Variants in PTDSS2 observed in about 807,000 individuals in gnomAD.
PTDSS2 encodes the protein phosphatidylserine synthase 2.
In PTDSS2, 41 loss-of-function variants were observed where a neutral mutation model predicts 64.7. That is an observed-to-expected ratio of 0.63 (90% CI 0.49 to 0.82). PTDSS2 has a LOEUF of 0.82. Ranked by LOEUF, PTDSS2 falls within the 40% of genes least tolerant of loss-of-function variation. The pLI is 0.00. For synonymous variants in PTDSS2, 297 were observed against 277.8 expected, an observed-to-expected ratio of 1.07 and a Z score of -0.69; for missense variants, 485 against 650.0, an observed-to-expected ratio of 0.75 and a Z score of 2.76.
chr11:457,669 T>TCCTCCACTGA (rs1300716344), intron 1 of PTDSS2, among the ~76,000 whole-genome samples: 1 of 152,252 alleles, frequency 6.6e-6, no homozygotes, highest in Admixed American at 6.5e-5. Flanking sequence ...GTTTCCCGTT[T>TCCTCCACTGA]TAGGTTATTA....
rs1554958761 is a variant in PTDSS2 at position 490,811 on chromosome 11, C to CGCGTGTACGT, written c.*235_*236insACGTGCGTGT. On this transcript the variant is annotated 3_prime_UTR_variant, in exon 12 of 12. Transcript: ENST00000308020. ...ATGCGTGTGTGTACGCGTGTGTACG[C>CGCGTGTACGT]GCGTGTGTACACATGCGTGGCCGCC... The CGCGTGTACGT allele has an allele frequency of 4.6e-5, 27 of 581,978 alleles. No homozygotes were observed. In the African/African-American group the frequency reaches 4.7e-4, roughly 10 times the overall value. 36.1% of individuals were successfully genotyped at this position (581,978 alleles called of 1,614,324 possible).
chr11:488,002 G>A (rs982333208), intron 6 of PTDSS2, among the ~76,000 whole-genome samples, 197 bp from the exon 7 acceptor site: 2 of 147,776 alleles, frequency 1.4e-5, no homozygotes, highest in Non-Finnish European at 3.0e-5. Context: ...GCACGCACCC[G>A]TGGGCAGGGC....
chr11:452,186 A>G (rs1049071880), intron 1 of PTDSS2, among the ~76,000 whole-genome samples: 1 of 152,190 alleles, frequency 6.6e-6, no homozygotes, highest in African/African-American at 2.4e-5. Context: ...CGGAGCGAGG[A>G]GACCAGACTG....
chr11:487,935 C>A (rs11821448), intron 6 of PTDSS2, among the ~76,000 whole-genome samples: 1 of 152,080 alleles, frequency 6.6e-6, no homozygotes, highest in Non-Finnish European at 1.5e-5. Context: ...TGAGACCTCA[C>A]TGGGGGCCCT....
At chr11:449,593 A>G (rs1192898867), upstream of PTDSS2, among the ~76,000 whole-genome samples, 1 of 152,194 alleles carries the variant, frequency 6.6e-6, no homozygotes, top group Non-Finnish European at 1.5e-5. Flanking sequence ...AATTTGGGTC[A>G]ACTAAAATCA....
In PTDSS2 at chr11:486,899, A is replaced by G. The variant is rs981738738; in HGVS notation, c.436-40A>G. ...TGATCTCCCGTTTCAAGTTGCCACCACTAACTGTAGCCCCGCTGACGGGGG... is the reference window on the plus strand; with the variant it reads ...TGATCTCCCGTTTCAAGTTGCCACCGCTAACTGTAGCCCCGCTGACGGGGG... On this transcript the variant is annotated intron_variant, in intron 4 of 11. Coordinates refer to ENST00000308020, the MANE Select transcript of PTDSS2 (RefSeq NM_030783.3). 33 of 1,557,168 alleles carry G rather than the reference A, an allele frequency of 2.1e-5. No homozygotes were observed. In the East Asian group the frequency reaches 7.3e-4, roughly 34 times the overall value.
chr11:486,692 A>G (rs1026895970), intron 4 of PTDSS2, among the ~76,000 whole-genome samples: 1 of 151,820 alleles, frequency 6.6e-6, no homozygotes, highest in Non-Finnish European at 1.5e-5. Flanking sequence ...AATACAAAAA[A>G]AAAATACTAG....
At chr11:466,764 A>G (rs1475741638) in intron 2 of PTDSS2, among the ~76,000 whole-genome samples, 1 of 152,172 alleles carries the variant, frequency 6.6e-6, no homozygotes, top group African/African-American at 2.4e-5. Flanking sequence ...CTACATGAGA[A>G]CAGCATGGGG....
chr11:488,365 C>T (rs931645117), intron 7 of PTDSS2, 53 bp downstream of exon 7: 27 of 1,486,256 alleles, frequency 1.8e-5, no homozygotes, highest in African/African-American at 6.9e-5. Flanking sequence ...GGGGCATTCT[C>T]GGAACCCCTG....
chr11:457,465 G>A (rs1263559201), intron 1 of PTDSS2, among the ~76,000 whole-genome samples: 1 of 152,190 alleles, frequency 6.6e-6, no homozygotes, highest in Non-Finnish European at 1.5e-5. Flanking sequence ...ATCTCACGAT[G>A]TTCATGATGT....
intron 6 of PTDSS2, 50 bp downstream of exon 6, chr11:487,520 C>T (rs770155019): frequency 1.5e-5 from 24 of 1,551,416 alleles, no homozygotes; most frequent in Non-Finnish European, 1.7e-5. Flanking sequence ...TGAGGCCTGC[C>T]GTGGGCTCTG....
rs138474032 is a variant in PTDSS2, at chr11:489,964, C to T, written c.1197C>T (p.Tyr399=). The T allele has an allele frequency of 6.8e-5, 109 of 1,611,572 alleles. No individual in the cohort carries two copies. In the African/African-American group the frequency reaches 8.9e-4, roughly 13 times the overall value. The change falls in exon 11 of 12, where the codon TAC becomes TAT. Residue 399 remains tyrosine, a synonymous_variant. Coordinates refer to ENST00000308020, the MANE Select transcript of PTDSS2 (RefSeq NM_030783.3). Reference sequence around the variant, plus strand: ...CGGAGCTGCTCATCGTGGTGAAGTACGACCCCCACACGCTCACCCTGTCCC... The same window carrying T: ...CGGAGCTGCTCATCGTGGTGAAGTATGACCCCCACACGCTCACCCTGTCCC... The part of the protein sequence containing the change: ...TATELLIVVK[Y]DPHTLTLSLP...
At chr11:471,577 G>A (rs1175704568) in intron 2 of PTDSS2, among the ~76,000 whole-genome samples, 2 of 151,020 alleles carry the variant, frequency 1.3e-5, no homozygotes, top group Non-Finnish European at 3.0e-5. Context: ...CGGGCGGAGG[G>A]CGGCCTGGGG....
chr11:460,445 A>G lies in PTDSS2; in HGVS notation c.284+157A>G, dbSNP rs1846824452. 1 of 608,480 alleles carries G rather than the reference A, an allele frequency of 1.6e-6. No individual in the cohort carries two copies. Among genetic ancestry groups the G allele is most frequent in the Middle Eastern group, 4.4e-4 (1 of 2,252 alleles). 37.7% of individuals were successfully genotyped at this position (608,480 alleles called of 1,614,324 possible). The stretch of plus-strand genomic sequence containing the variant: ...TCCCTTGAGTGTGTCTGATGTGCAG[A>G]CTCCAGGGCTGCCCTTGGTGCTGCG... On this transcript the variant is annotated intron_variant, in intron 2 of 11. Transcript: ENST00000308020. This position sits in a 1 kb window ranked among gnomAD's most constrained non-coding sequence, Gnocchi z 5.8.
At chr11:487,349 G>A in intron 5 of PTDSS2, 71 bp from the exon 6 acceptor site, 1 of 1,402,830 alleles carries the variant, frequency 7.1e-7, no homozygotes, top group Non-Finnish European at 1.0e-6. Context: ...TCAGGTGTGG[G>A]CTGATCTGCC....
chr11:474,747 T>C (rs1847646569), intron 3 of PTDSS2, among the ~76,000 whole-genome samples: 1 of 151,770 alleles, frequency 6.6e-6, no homozygotes, highest in South Asian at 2.1e-4. Context: ...CAGGAGTATG[T>C]ATTATAGAAA....
At chr11:453,965 G>A (rs144409203) in intron 1 of PTDSS2, among the ~76,000 whole-genome samples, 43 of 152,346 alleles carry the variant, frequency 2.8e-4, no homozygotes, top group South Asian at 1.0e-3. Context: ...GACATACACC[G>A]TCCTGCAGAG....
intron 2 of PTDSS2, among the ~76,000 whole-genome samples, chr11:473,111 G>A (rs137987418): frequency 2.6e-3 from 402 of 152,366 alleles, no homozygotes; most frequent in Middle Eastern, 6.8e-3. Flanking sequence ...CACATCCGCC[G>A]GCCTAAGCTG....
Position 476,373 on chromosome 11 carries a change from G to A in PTDSS2, c.367+2396G>A, listed in dbSNP as rs905984707. ...CGTCACACAGTGAAAGGCCTGGCGC[G>A]GTGATGGTGAGAAACTTCCCGGCAC... On this transcript the variant is annotated intron_variant, in intron 3 of 11. Coordinates refer to ENST00000308020, the MANE Select transcript of PTDSS2 (RefSeq NM_030783.3). This position sits in a 1 kb window ranked among gnomAD's most constrained non-coding sequence, Gnocchi z 4.9. 5.3e-5 allele frequency among the ~76,000 whole-genome samples: 8 copies of A among 152,098 alleles called. No homozygotes were observed. Among genetic ancestry groups the A allele is most frequent in the Non-Finnish European group, 8.8e-5 (6 of 68,020 alleles).
Sources: allele counts gnomAD v4.1 joint callset (sites outside exome capture counted in the v4.1 genomes callset), GRCh38; gene constraint gnomAD v4.1.1; non-coding constraint Gnocchi (gnomAD v3.1); transcripts MANE v1.5; gene names NCBI Gene and HGNC (gene_info 2026-07-23, HGNC 2026-07-21).